Variants in SNRNP200 observed in about 807,000 individuals in gnomAD.
SNRNP200 encodes the protein small nuclear ribonucleoprotein U5 subunit 200.
A neutral mutation model predicts 255.2 loss-of-function variants in SNRNP200; 66 were observed. The ratio of observed to expected loss-of-function variants is 0.26; its 90% CI spans 0.21 to 0.32. SNRNP200 has a LOEUF of 0.32. Ranked by LOEUF, SNRNP200 falls within the 10% of genes least tolerant of loss-of-function variation. The probability of loss-of-function intolerance (pLI) is 1.00; values close to 1 mark genes in which losing one functional copy is unlikely to be tolerated. For missense variants in SNRNP200, 1,585 were observed against 2,749.8 expected, an observed-to-expected ratio of 0.58 and a Z score of 9.47; for synonymous variants, 939 against 1,027.8, an observed-to-expected ratio of 0.91 and a Z score of 1.65.
At chr2:96,299,520 G>T in intron 5 of SNRNP200, 93 bp from the exon 6 acceptor site, 2 of 1,066,444 alleles carry the variant, frequency 1.9e-6, no homozygotes, top group Non-Finnish European at 1.4e-6. Context: ...TAGCTCAATG[G>T]GTAGAGAAAT....
chr2:96,283,600 G>A lies in SNRNP200; in HGVS notation c.4698C>T (p.Arg1566=). ...CAATGGCAGTGAGGCGGGTCTGCTT[G>A]CGAGACGGCACAAAGACAATGACAG... The part of the protein sequence containing the change: ...KKPVIVFVPS[R]KQTRLTAIDI... Residue 1566 remains arginine, a synonymous_variant, in exon 33 of 45, where the codon CGC becomes CGT. Coordinates refer to ENST00000323853, the MANE Select transcript of SNRNP200 (RefSeq NM_014014.5). This position sits in a 1 kb window ranked among gnomAD's most constrained non-coding sequence, Gnocchi z 4.7. 6 of 1,614,102 alleles carry A rather than the reference G, an allele frequency of 3.7e-6. No individual in the cohort carries two copies. Among genetic ancestry groups the A allele is most frequent in the Non-Finnish European group, 5.1e-6 (6 of 1,180,052 alleles).
In SNRNP200 at chr2:96,305,460, C is replaced by T; in HGVS notation, c.-23G>A. On this transcript the variant is annotated 5_prime_UTR_variant, in exon 1 of 45. Coordinates refer to ENST00000323853, the MANE Select transcript of SNRNP200 (RefSeq NM_014014.5). Reference sequence around the variant, plus strand: ...CATGGCCGCGGCTGCTCGGAGGCTTCAGACCACCACGCCTCCCTACCGCAA... The same window carrying T: ...CATGGCCGCGGCTGCTCGGAGGCTTTAGACCACCACGCCTCCCTACCGCAA... The T allele has an allele frequency of 6.2e-7, 1 of 1,613,816 alleles. No individual in the cohort carries two copies. Among genetic ancestry groups the T allele is most frequent in the South Asian group, 1.1e-5 (1 of 91,084 alleles).
In SNRNP200 at chr2:96,291,199, A is replaced by T. The variant is rs898311470; in HGVS notation, c.2421+193T>A. Reference sequence around the variant, plus strand: ...TTCACTATGCTTCTCAGACTATCCTAAACTCAAGCAAGGTGGGAAGAGTTG... The same window carrying T: ...TTCACTATGCTTCTCAGACTATCCTTAACTCAAGCAAGGTGGGAAGAGTTG... On this transcript the variant is annotated intron_variant, in intron 18 of 44. Transcript: ENST00000323853. The surrounding 1 kb of genome is among the most constrained non-coding windows in gnomAD (Gnocchi z 4.2). 6.6e-6 allele frequency among the ~76,000 whole-genome samples: 1 copy of T among 152,176 alleles called. No individual in the cohort carries two copies. Among genetic ancestry groups the T allele is most frequent in the Non-Finnish European group, 1.5e-5 (1 of 68,028 alleles).
rs142167028 is a variant in SNRNP200, at chr2:96,298,582, A to C, written c.982+21T>G. Reference sequence around the variant, plus strand: ...CACACATATGTACTCACTCTGCAGGAAGACCCCACCATATACTCACTCATC... The same window carrying C: ...CACACATATGTACTCACTCTGCAGGCAGACCCCACCATATACTCACTCATC... On this transcript the variant is annotated intron_variant, in intron 8 of 44. Transcript: ENST00000323853. The C allele has an allele frequency of 8.5e-5, 137 of 1,612,148 alleles. No homozygotes were observed. The Admixed American group carries it at 2.2e-3, about 26-fold the overall frequency.
At chr2:96,295,387 G>A (rs2063910464) in intron 14 of SNRNP200, 101 bp downstream of exon 14, 2 of 1,493,224 alleles carry the variant, frequency 1.3e-6, no homozygotes, top group South Asian at 1.1e-5. Context: ...ACAAAGGCTA[G>A]TGCCTACAGA....
At chr2:96,299,868 A>G (rs1358956800) in intron 5 of SNRNP200, among the ~76,000 whole-genome samples, 1 of 152,236 alleles carries the variant, frequency 6.6e-6, no homozygotes, top group Non-Finnish European at 1.5e-5. Context: ...CACAGTCAAA[A>G]CAGGTACTTC....
Position 96,278,374 on chromosome 2 carries a change from A to G in SNRNP200, c.5489-16T>C. 1 of 1,614,094 alleles carries G rather than the reference A, an allele frequency of 6.2e-7. No homozygotes were observed. The highest frequency in any genetic ancestry group is 1.6e-4 in the Middle Eastern group (1 of 6,062). ...CTGAAGAGCTCTGACAGAAAAAGGAAATGTGAGAGAAGCTAAAACCAGGCA... is the reference window on the plus strand; with the variant it reads ...CTGAAGAGCTCTGACAGAAAAAGGAGATGTGAGAGAAGCTAAAACCAGGCA... On this transcript the variant is annotated splice_polypyrimidine_tract_variant and intron_variant, in intron 38 of 44. Transcript: ENST00000323853. This position sits in a 1 kb window ranked among gnomAD's most constrained non-coding sequence, Gnocchi z 6.9.
intron 14 of SNRNP200, among the ~76,000 whole-genome samples, chr2:96,293,782 TTAAAGG>T (rs1252281387): frequency 1.3e-5 from 2 of 152,218 alleles, no homozygotes; most frequent in African/African-American, 4.8e-5. Flanking sequence ...TAAACTTTAC[TTAAAGG>T]TAAACTTCTT....
At chr2:96,289,620 G>A (rs753722378) in intron 21 of SNRNP200, among the ~76,000 whole-genome samples, 179 bp downstream of exon 21, 2 of 152,094 alleles carry the variant, frequency 1.3e-5, no homozygotes, top group African/African-American at 2.4e-5. Context: ...ATGTCTGCAC[G>A]GACAAGACAG....
In SNRNP200 at chr2:96,305,529, A is replaced by T; in HGVS notation, c.-92T>A. The T allele has an allele frequency of 3.8e-6, 6 of 1,570,682 alleles. No homozygotes were observed. Among genetic ancestry groups the T allele is most frequent in the Non-Finnish European group, 5.2e-6 (6 of 1,146,142 alleles). Reference sequence around the variant, plus strand: ...TCTCTGCTCCCGCCGCGCCGGAACGACGCAGGAAAGACGCACTGGGGAAGG... The same window carrying T: ...TCTCTGCTCCCGCCGCGCCGGAACGTCGCAGGAAAGACGCACTGGGGAAGG... On this transcript the variant is annotated 5_prime_UTR_variant, in exon 1 of 45. Transcript: ENST00000323853.
Position 96,278,552 on chromosome 2 carries a change from G to C in SNRNP200, c.5483C>G (p.Thr1828Ser). 6.2e-7 allele frequency: 1 copy of C among 1,614,038 alleles called. No homozygotes were observed. Among genetic ancestry groups the C allele is most frequent in the Non-Finnish European group, 8.5e-7 (1 of 1,180,038 alleles). The part of the protein sequence containing the change: ...IAAYYYINYT[T>S]IELFSMSLNA... The stretch of plus-strand genomic sequence containing the variant: ...CGGGCCATGCCGGGCCTCACCAATG[G>C]TGGTGTAGTTGATGTAATAGTAGGC... The change falls in exon 38 of 45, where the codon ACC becomes AGC. Residue 1828 changes from threonine (T) to serine (S), a missense_variant. Thr to Ser is a moderately conservative substitution (Grantham distance 58). Coordinates refer to ENST00000323853, the MANE Select transcript of SNRNP200 (RefSeq NM_014014.5). This position sits in a 1 kb window ranked among gnomAD's most constrained non-coding sequence, Gnocchi z 6.9.
At position 96,277,746 on chromosome 2, in the gene SNRNP200, G is replaced by T; in HGVS notation, c.5755-31C>A. ...CAGGAAAAGGAGTATAAAAGTGGGC[G>T]GAGTTGGAGCTGAGATGTTTAGAGC... On this transcript the variant is annotated intron_variant, in intron 40 of 44. Transcript: ENST00000323853. The surrounding 1 kb of genome is among the most constrained non-coding windows in gnomAD (Gnocchi z 4.4). 1 of 1,614,122 alleles carries T rather than the reference G, an allele frequency of 6.2e-7. No individual in the cohort carries two copies. Among genetic ancestry groups the T allele is most frequent in the Non-Finnish European group, 8.5e-7 (1 of 1,180,022 alleles).
rs1462579987 is a variant in SNRNP200 at position 96,278,616 on chromosome 2, C to T, written c.5419G>A (p.Glu1807Lys). ...AGGTTCAGAGGCGCCACGTCCATCT[C>T]GTCCTCGATGCTGATGCACTTGGAC... ...EQSKCISIEDEMDVAPLNLGM... is the reference protein window; with the variant it reads ...EQSKCISIEDKMDVAPLNLGM... Residue 1807 changes from glutamate to lysine, a missense_variant, in exon 38 of 45, where the codon GAG becomes AAG. Glu to Lys is a moderately conservative substitution (Grantham distance 56, BLOSUM62 1). This residue lies in a region of SNRNP200 where 279 missense variants were observed against 551.2 expected (regional missense o/e 0.51). Transcript: ENST00000323853. The surrounding 1 kb of genome is among the most constrained non-coding windows in gnomAD (Gnocchi z 6.9). 1 of 1,614,218 alleles carries T rather than the reference C, an allele frequency of 6.2e-7. No homozygotes were observed. The highest frequency in any genetic ancestry group is 1.7e-5 in the Admixed American group (1 of 60,030).
chr2:96,285,289 G>A lies in SNRNP200; in HGVS notation c.4055C>T (p.Thr1352Met), dbSNP rs1410347323. The A allele has an allele frequency of 4.3e-6, 7 of 1,614,004 alleles. No individual in the cohort carries two copies. Among genetic ancestry groups the A allele is most frequent in the Non-Finnish European group, 5.9e-6 (7 of 1,180,036 alleles). ...TGCACAAATAGTCTTCCCGCTGCCC[G>A]TGGGGGCCCCCACAAACACGTTGTC... ...SDDNVFVGAP[T>M]GSGKTICAEF... The change falls in exon 30 of 45, where the codon ACG (threonine) becomes ATG (methionine). Residue 1352 changes from threonine to methionine, a missense_variant. This residue lies in a region of SNRNP200 where 719 missense variants were observed against 1,091.1 expected (regional missense o/e 0.66). Transcript: ENST00000323853.
chr2:96,283,516 G>A lies in SNRNP200; in HGVS notation c.4763+19C>T. 1.2e-6 allele frequency: 2 copies of A among 1,613,992 alleles called. No homozygotes were observed. The highest frequency in any genetic ancestry group is 2.7e-5 in the African/African-American group (2 of 75,018). On this transcript the variant is annotated intron_variant, in intron 33 of 44. Transcript: ENST00000323853. The surrounding 1 kb of genome is among the most constrained non-coding windows in gnomAD (Gnocchi z 4.7). ...TCACTTAACCTAACCCCAACCCCCA[G>A]ACGCCAGGCCCCACCTACCTCTGCC...
rs750003917 is a variant in SNRNP200, at chr2:96,287,166, A to G, written c.3485-6T>C. The G allele has an allele frequency of 6.2e-7, 1 of 1,614,208 alleles. No individual in the cohort carries two copies. Among genetic ancestry groups the G allele is most frequent in the Non-Finnish European group, 8.5e-7 (1 of 1,180,028 alleles). ...TGGCATGCGGATAAGCTCCCCTACA[A>G]GGAAATGAGAGTACTGAGGCTGCAG... On this transcript the variant is annotated splice_polypyrimidine_tract_variant and splice_region_variant and intron_variant, in intron 26 of 44. Transcript: ENST00000323853. The surrounding 1 kb of genome is among the most constrained non-coding windows in gnomAD (Gnocchi z 5.7).
rs145767009 is a variant in SNRNP200, at chr2:96,283,337, G to C, written c.4779C>G (p.Thr1593=). ...CCAGGTACGGAATCAGATCCTTCTC[G>C]GTGCAGTGCAAGAACCTGTGCGGTA... ...DIQRQRFLHC[T]EKDLIPYLEK... Residue 1593 remains threonine, a synonymous_variant, in exon 34 of 45, where the codon ACC becomes ACG. Coordinates refer to ENST00000323853, the MANE Select transcript of SNRNP200 (RefSeq NM_014014.5). This position sits in a 1 kb window ranked among gnomAD's most constrained non-coding sequence, Gnocchi z 4.7. The C allele has an allele frequency of 1.2e-6, 2 of 1,613,968 alleles. No individual in the cohort carries two copies. Among genetic ancestry groups the C allele is most frequent in the Middle Eastern group, 1.6e-4 (1 of 6,084 alleles).
chr2:96,285,526 T>C, intron 29 of SNRNP200, 186 bp from the exon 30 acceptor site: 1 of 651,662 alleles, frequency 1.5e-6, no homozygotes. Flanking sequence ...CCCCCTTACC[T>C]GCTCCCACTT....
At chr2:96,296,718 G>A (rs780910577) in intron 12 of SNRNP200, 27 bp from the exon 13 acceptor site, 30 of 1,613,098 alleles carry the variant, frequency 1.9e-5, no homozygotes, top group South Asian at 1.6e-4. Flanking sequence ...GGATGAGAAC[G>A]CCTATTCACC....
Sources: gnomAD v4.1 joint callset for allele counts (sites outside exome capture counted in the v4.1 genomes callset) on GRCh38, gnomAD v4.1.1 for gene constraint, gnomAD v4.1.1 regional missense constraint, Gnocchi (gnomAD v3.1) non-coding constraint, MANE v1.5 for transcripts, NCBI Gene and HGNC (gene_info 2026-07-23, HGNC 2026-07-21) for gene names.